The following ANGPT2 variants were observed in gnomAD, a reference collection of about 807,000 sequenced individuals.
ANGPT2 encodes angiopoietin-2.
In ANGPT2, 28 loss-of-function variants were observed where a neutral mutation model predicts 62.9. That is an observed-to-expected ratio of 0.44 (90% confidence interval 0.33 to 0.61). The LOEUF (loss-of-function observed/expected upper bound fraction) is 0.61. Ranked by LOEUF, ANGPT2 falls within the 20% of genes least tolerant of loss-of-function variation. The pLI is 0.03. For missense variants in ANGPT2, 727 were observed against 594.9 expected (o/e 1.22, Z -2.31); for synonymous variants, 284 against 207.8 (o/e 1.37, Z -3.15).
intron 6 of ANGPT2, among the ~76,000 whole-genome samples, chr8:6,514,090 G>T (rs749360409): frequency 2.6e-5 from 4 of 152,192 alleles, no homozygotes; most frequent in Non-Finnish European, 5.9e-5. Flanking sequence ...GCCACCAGCA[G>T]AAGCCTTGGC....
intron 3 of ANGPT2, 139 bp from the exon 4 acceptor site, chr8:6,521,549 A>C: frequency 1.5e-6 from 1 of 659,154 alleles, no homozygotes; most frequent in South Asian, 2.2e-5. Flanking sequence ...CAGAGCCCTA[A>C]GGAATCTCTG....
At chr8:6,512,660 T>C (rs544680606) in intron 7 of ANGPT2, among the ~76,000 whole-genome samples, 26 of 152,340 alleles carry the variant, frequency 1.7e-4, no homozygotes, top group African/African-American at 6.0e-4. Context: ...TTACTGTGCA[T>C]GTGGCTTCAC....
intron 1 of ANGPT2, among the ~76,000 whole-genome samples, chr8:6,545,112 A>G (rs889668811): frequency 1.3e-5 from 2 of 152,072 alleles, no homozygotes; most frequent in African/African-American, 4.8e-5. Flanking sequence ...ATCCATTTCC[A>G]TGAAGCTCAA....
intron 1 of ANGPT2, among the ~76,000 whole-genome samples, chr8:6,560,123 T>C (rs1456813391): frequency 6.6e-6 from 1 of 152,206 alleles, no homozygotes; most frequent in Non-Finnish European, 1.5e-5. Context: ...TCCTGACACA[T>C]GTTTTAATTT....
chr8:6,505,083 C>T lies in ANGPT2; in HGVS notation c.1328-1822G>A, dbSNP rs996965300. Among the ~76,000 whole-genome samples, 6 of 122,806 alleles carry T rather than the reference C, an allele frequency of 4.9e-5. No individual in the cohort carries two copies. The East Asian group carries it at 1.1e-3, about 22-fold the overall frequency. The allele number at this position is 122,806 out of a possible 152,430, so 80.6% of individuals were successfully genotyped here. ...ATTAATAAATAAAGTGAATTAACCT[C>T]GACCCAAGCGTCAGGTAGGGAATGG... On this transcript the variant is annotated intron_variant, in intron 8 of 8. Coordinates refer to ENST00000629816, the MANE Select transcript of ANGPT2 (RefSeq NM_001118887.2).
At chr8:6,552,063 C>G (rs1823743786) in intron 1 of ANGPT2, among the ~76,000 whole-genome samples, 1 of 152,176 alleles carries the variant, frequency 6.6e-6, no homozygotes, top group African/African-American at 2.4e-5. Flanking sequence ...AAAATGCTGT[C>G]AGGAACCCAA....
chr8:6,521,827 C>G (rs1314102450), intron 3 of ANGPT2, among the ~76,000 whole-genome samples: 1 of 152,110 alleles, frequency 6.6e-6, no homozygotes, highest in East Asian at 1.9e-4. Flanking sequence ...TTAGCTTTCT[C>G]CTAAACTATT....
intron 1 of ANGPT2, among the ~76,000 whole-genome samples, chr8:6,539,314 G>A (rs1370481384): frequency 6.6e-6 from 1 of 152,220 alleles, no homozygotes; most frequent in Non-Finnish European, 1.5e-5. Flanking sequence ...CCATGCCAAA[G>A]CTACTTGCCA....
In ANGPT2 at chr8:6,515,849, A is replaced by G. The variant is rs889528306; in HGVS notation, c.928-1071T>C. On this transcript the variant is annotated intron_variant, in intron 5 of 8. Coordinates refer to ENST00000629816, the MANE Select transcript of ANGPT2 (RefSeq NM_001118887.2). ...CTTCAACGCACACTGTTCTCTGTTT[A>G]CGAGTTAGAATCCTAAAGAGGAGAG... Among the ~76,000 whole-genome samples the G allele has an allele frequency of 5.3e-5, 8 of 152,182 alleles. No individual in the cohort carries two copies. In the South Asian group the frequency reaches 1.7e-3, roughly 32 times the overall value.
intron 1 of ANGPT2, among the ~76,000 whole-genome samples, chr8:6,543,556 C>A (rs1436608963): frequency 6.6e-6 from 1 of 152,196 alleles, no homozygotes; most frequent in African/African-American, 2.4e-5. Flanking sequence ...TAGGGAAAAG[C>A]GCTGTCGTAT....
chr8:6,552,815 C>CTTTT (rs57835088), intron 1 of ANGPT2, among the ~76,000 whole-genome samples: 1 of 146,202 alleles, frequency 6.8e-6, no homozygotes, highest in African/African-American at 2.5e-5. Flanking sequence ...GTTATTCCTG[C>CTTTT]TTTTTTTTTT....
chr8:6,540,246 G>A (rs957122222), intron 1 of ANGPT2, among the ~76,000 whole-genome samples: 1 of 151,968 alleles, frequency 6.6e-6, no homozygotes, highest in African/African-American at 2.4e-5. Flanking sequence ...ACCTCTTTGT[G>A]TGTTTCCCTT....
intron 3 of ANGPT2, among the ~76,000 whole-genome samples, chr8:6,523,307 T>C (rs1416128468): frequency 2.0e-5 from 3 of 152,116 alleles, no homozygotes; most frequent in South Asian, 4.2e-4. Context: ...GAAAAGCTTT[T>C]TAAAAATTAT....
chr8:6,511,932 A>G (rs1409231417), intron 7 of ANGPT2, among the ~76,000 whole-genome samples: 1 of 144,766 alleles, frequency 6.9e-6, no homozygotes, highest in Non-Finnish European at 1.5e-5. Flanking sequence ...TCTGTTGTAG[A>G]TTCCTAACTG....
At chr8:6,531,512 G>A (rs754072968) in intron 2 of ANGPT2, among the ~76,000 whole-genome samples, 6 of 151,956 alleles carry the variant, frequency 3.9e-5, no homozygotes, top group Non-Finnish European at 7.4e-5. Flanking sequence ...GGCTGGTCTC[G>A]AACTCCTGAC....
chr8:6,502,929 A>C lies in ANGPT2; in HGVS notation c.*172T>G. On this transcript the variant is annotated 3_prime_UTR_variant, in exon 9 of 9. Coordinates refer to ENST00000629816, the MANE Select transcript of ANGPT2 (RefSeq NM_001118887.2). Reference sequence around the variant, plus strand: ...TTGCTTTGGTCCGTTAAGTGATGCAAGTTTAAGTGATAAAGTTTACAGGCT... The same window carrying C: ...TTGCTTTGGTCCGTTAAGTGATGCACGTTTAAGTGATAAAGTTTACAGGCT... The C allele has an allele frequency of 1.4e-6, 1 of 698,734 alleles. No individual in the cohort carries two copies. Among genetic ancestry groups the C allele is most frequent in the Non-Finnish European group, 2.4e-6 (1 of 424,876 alleles). 43.3% of individuals were successfully genotyped at this position (698,734 alleles called of 1,614,324 possible).
At position 6,501,670 on chromosome 8, in the gene ANGPT2, C is replaced by G. The variant is rs1484633771; in HGVS notation, c.*1431G>C. On this transcript the variant is annotated 3_prime_UTR_variant, in exon 9 of 9. Transcript: ENST00000629816. ...CCCTGGTGCAAGCAATTCTCCCTGC[C>G]TCAGCCTCCCGAGTAGCTGGGATTA... 6.6e-6 allele frequency: 1 copy of G among 151,602 alleles called. No individual in the cohort carries two copies. The highest frequency in any genetic ancestry group is 2.4e-5 in the African/African-American group (1 of 41,154). 9.4% of individuals were successfully genotyped at this position (151,602 alleles called of 1,614,324 possible).
At chr8:6,556,614 T>G (rs1160514409) in intron 1 of ANGPT2, among the ~76,000 whole-genome samples, 2 of 143,714 alleles carry the variant, frequency 1.4e-5, no homozygotes, top group African/African-American at 6.0e-5. Context: ...GAATTGTCTT[T>G]TTTTATTTTT....
At chr8:6,517,888 C>T (rs1481428973) in intron 5 of ANGPT2, among the ~76,000 whole-genome samples, 3 of 152,154 alleles carry the variant, frequency 2.0e-5, no homozygotes, top group African/African-American at 7.2e-5. Context: ...ACAATTGACA[C>T]CACTTATTTT....
Sources: gnomAD v4.1 joint callset for allele counts (sites outside exome capture counted in the v4.1 genomes callset) on GRCh38, gnomAD v4.1.1 for gene constraint, MANE v1.5 for transcripts, NCBI Gene and HGNC (gene_info 2026-07-23, HGNC 2026-07-21) for gene names.